Variants in FGGY observed in about 807,000 individuals in gnomAD.
FGGY encodes the protein FGGY carbohydrate kinase domain-containing protein.
In FGGY, 72 loss-of-function variants were observed where a neutral mutation model predicts 71.3. The ratio of observed to expected loss-of-function variants is 1.01; its 90% confidence interval spans 0.84 to 1.23. FGGY has a LOEUF of 1.23. Ranked by LOEUF, FGGY falls within the 50% of genes most tolerant of loss-of-function variation. FGGY has a pLI of 0.00. For synonymous variants in FGGY, 251 were observed against 250.3 expected, an observed-to-expected ratio of 1.00 and a Z score of -0.02; for missense variants, 668 against 682.3, an observed-to-expected ratio of 0.98 and a Z score of 0.23.
chr1:59,554,674 C>T (rs1230488935), intron 8 of FGGY, among the ~76,000 whole-genome samples: 1 of 152,094 alleles, frequency 6.6e-6, no homozygotes, highest in Non-Finnish European at 1.5e-5. Context: ...AATTAGCCTG[C>T]GTATCATGAC....
At chr1:59,578,244 G>GA (rs568166421) in intron 8 of FGGY, among the ~76,000 whole-genome samples, 188 of 152,236 alleles carry the variant, frequency 1.2e-3, no homozygotes, top group Non-Finnish European at 2.4e-3. Context: ...AATGATCCCA[G>GA]AGCAGGACTT....
intron 8 of FGGY, among the ~76,000 whole-genome samples, chr1:59,586,246 A>G (rs1450005496): frequency 6.6e-6 from 1 of 152,210 alleles, no homozygotes. Flanking sequence ...AATAGCAAAG[A>G]CTTGGAACCA....
At chr1:59,391,549 T>TTCATTA (rs2060695413) in intron 5 of FGGY, among the ~76,000 whole-genome samples, 4 of 152,160 alleles carry the variant, frequency 2.6e-5, no homozygotes, top group African/African-American at 9.7e-5. Context: ...AAAGCAAATC[T>TTCATTA]GGATAGAAAA....
intron 14 of FGGY, among the ~76,000 whole-genome samples, chr1:59,726,207 T>C (rs1264817987): frequency 2.0e-5 from 3 of 152,198 alleles, no homozygotes; most frequent in African/African-American, 7.2e-5. Flanking sequence ...TTTTATTTAA[T>C]CTGTTGATGT....
chr1:59,425,496 A>T (rs1241027602), intron 5 of FGGY, among the ~76,000 whole-genome samples: 2 of 152,126 alleles, frequency 1.3e-5, no homozygotes, highest in African/African-American at 4.8e-5. Flanking sequence ...TGCGTAGAGG[A>T]GGGAAAGGGA....
intron 13 of FGGY, among the ~76,000 whole-genome samples, chr1:59,668,420 G>A (rs539177333): frequency 3.3e-5 from 5 of 152,186 alleles, no homozygotes; most frequent in Non-Finnish European, 7.4e-5. Flanking sequence ...AGCCTGATAA[G>A]AGCCCACTTG....
chr1:59,709,466 T>TCACACA (rs111353878), intron 14 of FGGY, among the ~76,000 whole-genome samples: 8,270 of 142,678 alleles, frequency 0.058, 264 homozygotes, highest in Middle Eastern at 0.087. Flanking sequence ...TGAAACTATA[T>TCACACA]CACACACACA....
chr1:59,609,534 CT>C (rs571138852), intron 9 of FGGY, among the ~76,000 whole-genome samples: 162 of 152,240 alleles, frequency 1.1e-3, no homozygotes, highest in African/African-American at 3.7e-3. Context: ...GATTGGCAGG[CT>C]TCTGAGAGAT....
chr1:59,559,612 A>G (rs2095752830), intron 8 of FGGY, among the ~76,000 whole-genome samples: 1 of 152,196 alleles, frequency 6.6e-6, no homozygotes, highest in Non-Finnish European at 1.5e-5. Context: ...ATTATCCAAT[A>G]CAAAGAACCA....
intron 5 of FGGY, among the ~76,000 whole-genome samples, chr1:59,422,698 A>AG (rs968590723): frequency 9.3e-5 from 13 of 139,256 alleles, no homozygotes; most frequent in Non-Finnish European, 3.0e-5. Context: ...TCTCAAAGGA[A>AG]AAAAAAAAAA....
chr1:59,460,345 G>A (rs887967387), intron 6 of FGGY, among the ~76,000 whole-genome samples: 6 of 152,200 alleles, frequency 3.9e-5, no homozygotes, highest in Non-Finnish European at 5.9e-5. Flanking sequence ...AGTGAGGCCA[G>A]GGGAGAGGCT....
intron 6 of FGGY, among the ~76,000 whole-genome samples, chr1:59,480,160 A>G (rs1170783111): frequency 2.0e-5 from 3 of 152,302 alleles, no homozygotes; most frequent in East Asian, 1.9e-4. Flanking sequence ...TGAACTTTTT[A>G]TAATGAAAAT....
In FGGY at chr1:59,388,940, C is replaced by T. The variant is rs1434980629; in HGVS notation, c.554+10103C>T. ...CTATTAAATAATAACTCCCCATTTC[C>T]CTCTTTACCTATCCCCTCTTTTTTT... On this transcript the variant is annotated intron_variant, in intron 5 of 15. Coordinates refer to ENST00000303721, the MANE Select transcript of FGGY (RefSeq NM_018291.5). 2.0e-5 allele frequency among the ~76,000 whole-genome samples: 3 copies of T among 151,876 alleles called. No individual in the cohort carries two copies. In the East Asian group the frequency reaches 5.8e-4, roughly 29 times the overall value.
chr1:59,443,414 A>G (rs897418193), intron 5 of FGGY, among the ~76,000 whole-genome samples: 1 of 152,202 alleles, frequency 6.6e-6, no homozygotes, highest in Admixed American at 6.5e-5. Flanking sequence ...GGATGACCAT[A>G]TATTAATATG....
intron 7 of FGGY, among the ~76,000 whole-genome samples, chr1:59,519,854 T>C (rs1311697840): frequency 6.6e-6 from 1 of 152,236 alleles, no homozygotes; most frequent in East Asian, 1.9e-4. Flanking sequence ...ATAGCAAGAT[T>C]TGAAATTGAG....
intron 2 of FGGY, among the ~76,000 whole-genome samples, chr1:59,326,992 A>G (rs2047555451): frequency 6.6e-6 from 1 of 152,266 alleles, no homozygotes; most frequent in South Asian, 2.1e-4. Context: ...AAATGTGTTA[A>G]TGATCATCGA....
intron 4 of FGGY, among the ~76,000 whole-genome samples, chr1:59,373,980 G>T (rs908986083): frequency 6.6e-6 from 1 of 152,162 alleles, no homozygotes; most frequent in African/African-American, 2.4e-5. Context: ...TACCATTCAG[G>T]ACATAGGCAT....
At chr1:59,373,020 C>T (rs2057975202) in intron 4 of FGGY, among the ~76,000 whole-genome samples, 1 of 152,136 alleles carries the variant, frequency 6.6e-6, no homozygotes, top group African/African-American at 2.4e-5. Flanking sequence ...TGCCCTCTCT[C>T]ACCACTCCCA....
chr1:59,760,246 G>A (rs867977608), intron 15 of FGGY, among the ~76,000 whole-genome samples: 1 of 152,134 alleles, frequency 6.6e-6, no homozygotes, highest in Non-Finnish European at 1.5e-5. Context: ...ACTACCGTGA[G>A]GTACCACCTC....
Sources: gnomAD v4.1 joint callset for allele counts (sites outside exome capture counted in the v4.1 genomes callset) on GRCh38, gnomAD v4.1.1 for gene constraint, MANE v1.5 for transcripts, NCBI Gene and HGNC (gene_info 2026-07-23, HGNC 2026-07-21) for gene names.